Variants in DDX31 observed in about 807,000 individuals in gnomAD.
The protein encoded by DDX31 is DEAD-box helicase 31.
In DDX31, 70 loss-of-function variants were observed where a neutral mutation model predicts 91.3. That is an observed-to-expected ratio of 0.77 (90% CI 0.63 to 0.94). The LOEUF is 0.94. Ranked by LOEUF, DDX31 falls within the 40% of genes least tolerant of loss-of-function variation. DDX31 has a pLI of 0.00. For missense variants in DDX31, 902 were observed against 925.0 expected, an observed-to-expected ratio of 0.98 and a Z score of 0.32; for synonymous variants, 362 against 350.6, an observed-to-expected ratio of 1.03 and a Z score of -0.36.
At chr9:132,668,729 A>G (rs533789221) in intron 1 of DDX31, among the ~76,000 whole-genome samples, 3 of 151,834 alleles carry the variant, frequency 2.0e-5, no homozygotes, top group African/African-American at 7.3e-5. Context: ...CACCACGCCC[A>G]GCTAATTTTT....
At chr9:132,608,443 A>C (rs1257594702) in intron 19 of DDX31, among the ~76,000 whole-genome samples, 1 of 152,148 alleles carries the variant, frequency 6.6e-6, no homozygotes, top group Admixed American at 6.5e-5. Flanking sequence ...GAAGGACTAA[A>C]GGCAATGTAA....
chr9:132,639,764 TCAA>T (rs2130727878), intron 14 of DDX31, among the ~76,000 whole-genome samples: 1 of 152,340 alleles, frequency 6.6e-6, no homozygotes, highest in Admixed American at 6.5e-5. Flanking sequence ...ACTAGGAGAC[TCAA>T]CAATTTCTGA....
Position 132,669,857 on chromosome 9 carries a change from C to A in DDX31, c.75+3G>T. On this transcript the variant is annotated splice_donor_region_variant and intron_variant, in intron 1 of 19. Transcript: ENST00000372159. ...ACGGAGCTGAAGCCGGGTCAGAACTCACCCGACTCGCCTGGGCTGGGGGAC... is the reference window on the plus strand; with the variant it reads ...ACGGAGCTGAAGCCGGGTCAGAACTAACCCGACTCGCCTGGGCTGGGGGAC... The A allele has an allele frequency of 6.3e-7, 1 of 1,579,586 alleles. No individual in the cohort carries two copies. Among genetic ancestry groups the A allele is most frequent in the Non-Finnish European group, 8.6e-7 (1 of 1,164,804 alleles).
intron 9 of DDX31, among the ~76,000 whole-genome samples, 183 bp downstream of exon 9, chr9:132,650,051 T>C (rs1834082530): frequency 6.6e-6 from 1 of 152,158 alleles, no homozygotes; most frequent in Admixed American, 6.5e-5. Flanking sequence ...GGTTTAATAT[T>C]TTAAAAAACA....
intron 13 of DDX31, among the ~76,000 whole-genome samples, chr9:132,644,361 G>A (rs540267679): frequency 3.3e-5 from 5 of 152,162 alleles, no homozygotes; most frequent in African/African-American, 1.2e-4. Context: ...GGCCCTGTAC[G>A]GAGGGCTTTG....
chr9:132,648,124 G>T, intron 11 of DDX31, 65 bp downstream of exon 11: 1 of 1,376,674 alleles, frequency 7.3e-7, no homozygotes. Context: ...AACAACCCAG[G>T]TTAAATCTAG....
intron 5 of DDX31, 137 bp from the exon 6 acceptor site, chr9:132,658,872 C>T (rs1834755142): frequency 1.4e-6 from 1 of 719,640 alleles, no homozygotes; most frequent in Non-Finnish European, 2.2e-6. Context: ...GCCCATTATA[C>T]ATCCAAGAGA....
In DDX31 at chr9:132,593,023, G is replaced by A. The variant is rs1419942812; in HGVS notation, c.*1843C>T. 1 of 152,164 alleles carries A rather than the reference G, an allele frequency of 6.6e-6. No homozygotes were observed. The highest frequency in any genetic ancestry group is 2.4e-5 in the African/African-American group (1 of 41,416). The allele number at this position is 152,164 out of a possible 1,614,324, so 9.4% of individuals were successfully genotyped here. A position where few individuals can be genotyped will look rare whatever the true frequency, so the allele number is the denominator to read the frequency against. ...AGAAGAGAAAGAGATTTATTTTAAG[G>A]TTATTTAAATTTAAACAATATTAAC... On this transcript the variant is annotated 3_prime_UTR_variant, in exon 20 of 20. Transcript: ENST00000372159.
At chr9:132,634,379 T>C (rs912928410) in intron 14 of DDX31, among the ~76,000 whole-genome samples, 3 of 152,014 alleles carry the variant, frequency 2.0e-5, no homozygotes, top group South Asian at 2.1e-4. Flanking sequence ...CACACACACA[T>C]ATGCAAGCAC....
intron 19 of DDX31, among the ~76,000 whole-genome samples, chr9:132,610,873 C>G (rs1204007579): frequency 6.6e-6 from 1 of 152,210 alleles, no homozygotes; most frequent in Admixed American, 6.5e-5. Flanking sequence ...AAACTCACAT[C>G]AGAACGGAGC....
chr9:132,640,609 G>A (rs1263949416), intron 14 of DDX31, among the ~76,000 whole-genome samples: 1 of 151,992 alleles, frequency 6.6e-6, no homozygotes, highest in African/African-American at 2.4e-5. Context: ...TGATCCTCCC[G>A]ACTCAGCCTC....
At chr9:132,611,979 G>C in intron 19 of DDX31, 108 bp downstream of exon 19, 1 of 1,409,342 alleles carries the variant, frequency 7.1e-7, no homozygotes, top group Non-Finnish European at 9.6e-7. Context: ...TTGGGAGAAG[G>C]GCAGGTATGA....
chr9:132,639,671 TA>T (rs1418462250), intron 14 of DDX31, among the ~76,000 whole-genome samples: 1 of 152,226 alleles, frequency 6.6e-6, no homozygotes, highest in Non-Finnish European at 1.5e-5. Context: ...GCAGAGCTAC[TA>T]AAAATACAAA....
intron 6 of DDX31, among the ~76,000 whole-genome samples, chr9:132,657,626 C>A (rs1475308571): frequency 6.6e-6 from 1 of 152,200 alleles, no homozygotes; most frequent in East Asian, 1.9e-4. Context: ...AGATATACTG[C>A]TAATTCTGCA....
At chr9:132,659,287 G>A (rs190886653) in intron 5 of DDX31, among the ~76,000 whole-genome samples, 1 of 152,312 alleles carries the variant, frequency 6.6e-6, no homozygotes, top group African/African-American at 2.4e-5. Flanking sequence ...AAAAAAGCAA[G>A]TCCAGACTGG....
chr9:132,656,164 G>A (rs1834550101), intron 6 of DDX31, among the ~76,000 whole-genome samples: 2 of 152,032 alleles, frequency 1.3e-5, no homozygotes, highest in African/African-American at 2.4e-5. Context: ...CCGTTCTCAC[G>A]CCATCACCAA....
At chr9:132,603,825 G>A (rs1830856376) in intron 19 of DDX31, among the ~76,000 whole-genome samples, 1 of 152,134 alleles carries the variant, frequency 6.6e-6, no homozygotes, top group African/African-American at 2.4e-5. Flanking sequence ...TGTGGTTCCC[G>A]CTGTCTGCAG....
intron 17 of DDX31, among the ~76,000 whole-genome samples, chr9:132,624,166 CAAAAAAAAAAAA>C (rs4021852): frequency 5.6e-5 from 4 of 71,464 alleles, no homozygotes; most frequent in East Asian, 3.4e-4. Context: ...GACTCCGTCT[CAAAAAAAAAAAA>C]AAAAAAAAAA....
intron 19 of DDX31, among the ~76,000 whole-genome samples, chr9:132,598,556 C>G (rs1830562119): frequency 6.6e-6 from 1 of 152,186 alleles, no homozygotes; most frequent in Admixed American, 6.5e-5. Context: ...AAGGTGAAAT[C>G]ACAGCCTAAT....
Sources: gnomAD v4.1 joint callset for allele counts (sites outside exome capture counted in the v4.1 genomes callset) on GRCh38, gnomAD v4.1.1 for gene constraint, MANE v1.5 for transcripts, NCBI Gene and HGNC (gene_info 2026-07-23, HGNC 2026-07-21) for gene names.